The following GALNT17 variants were observed in gnomAD, a reference collection of about 807,000 sequenced individuals.
GALNT17 encodes the protein polypeptide N-acetylgalactosaminyltransferase 17, also known as UDP-GalNAc:polypeptide N-acetylgalactosaminyltransferase-like 3.
In GALNT17, 29 loss-of-function variants were observed where a neutral mutation model predicts 63.7. The ratio of observed to expected loss-of-function variants is 0.46; its 90% CI spans 0.34 to 0.62. The LOEUF (loss-of-function observed/expected upper bound fraction) is 0.62. Ranked by LOEUF, GALNT17 falls within the 20% of genes least tolerant of loss-of-function variation. The probability of loss-of-function intolerance (pLI) is 0.01; values close to 1 mark genes in which losing one functional copy is unlikely to be tolerated. For missense variants in GALNT17, 603 were observed against 799.6 expected (o/e 0.75, Z 2.97); for synonymous variants, 305 against 318.3 (o/e 0.96, Z 0.45).
intron 6 of GALNT17, among the ~76,000 whole-genome samples, chr7:71,636,734 A>G (rs1461256313): frequency 1.3e-5 from 2 of 152,094 alleles, no homozygotes; most frequent in Non-Finnish European, 2.9e-5. Context: ...GTGCCTGTAC[A>G]TTTTTCTCCA....
chr7:71,658,565 T>C (rs1050234324), intron 6 of GALNT17, among the ~76,000 whole-genome samples: 1 of 152,116 alleles, frequency 6.6e-6, no homozygotes, highest in African/African-American at 2.4e-5. Flanking sequence ...CCAAGCCATA[T>C]CCAATCTATT....
At chr7:71,644,527 C>CAAAAA (rs58497593) in intron 6 of GALNT17, among the ~76,000 whole-genome samples, 13 of 23,614 alleles carry the variant, frequency 5.5e-4, no homozygotes, top group African/African-American at 2.2e-3. Context: ...GACTCCATCT[C>CAAAAA]AAAAAAAAAA....
intron 6 of GALNT17, among the ~76,000 whole-genome samples, chr7:71,643,084 T>A (rs1790626210): frequency 6.6e-6 from 1 of 152,120 alleles, no homozygotes; most frequent in Non-Finnish European, 1.5e-5. Context: ...GCTTCAAATT[T>A]TCCAGGACAA....
intron 5 of GALNT17, among the ~76,000 whole-genome samples, chr7:71,519,660 T>C (rs1788498358): frequency 6.6e-6 from 1 of 152,042 alleles, no homozygotes; most frequent in African/African-American, 2.4e-5. Flanking sequence ...GATGAGATTT[T>C]ACCGTATTGG....
intron 7 of GALNT17, among the ~76,000 whole-genome samples, chr7:71,665,817 A>G (rs1397177302): frequency 1.3e-5 from 2 of 152,210 alleles, no homozygotes; most frequent in African/African-American, 4.8e-5. Flanking sequence ...TACAGAGATT[A>G]GAAGGGTCTT....
intron 1 of GALNT17, among the ~76,000 whole-genome samples, chr7:71,292,711 GTT>G (rs1791005799): frequency 7.4e-6 from 1 of 135,772 alleles, no homozygotes; most frequent in South Asian, 2.4e-4. Flanking sequence ...GTGTGTGTGT[GTT>G]GGGCAGATTT....
At chr7:71,673,583 T>G (rs1410600958) in intron 8 of GALNT17, among the ~76,000 whole-genome samples, 1 of 152,148 alleles carries the variant, frequency 6.6e-6, no homozygotes, top group African/African-American at 2.4e-5. Context: ...TAATGTCAGG[T>G]GATACTTTCA....
At chr7:71,580,887 G>A (rs539217636) in intron 6 of GALNT17, among the ~76,000 whole-genome samples, 2 of 152,290 alleles carry the variant, frequency 1.3e-5, no homozygotes, top group East Asian at 3.9e-4. Flanking sequence ...GGAGCACTAA[G>A]CCTGAGATAG....
chr7:71,249,897 T>A (rs945994107), intron 1 of GALNT17, among the ~76,000 whole-genome samples: 2 of 152,242 alleles, frequency 1.3e-5, no homozygotes, highest in Non-Finnish European at 2.9e-5. Flanking sequence ...TCAGTTGCTC[T>A]TGCAAACTAA....
intron 5 of GALNT17, among the ~76,000 whole-genome samples, chr7:71,481,001 A>G (rs1787808332): frequency 6.6e-6 from 1 of 152,178 alleles, no homozygotes; most frequent in African/African-American, 2.4e-5. Flanking sequence ...TAATAAGACA[A>G]ACAGACCACA....
chr7:71,492,928 T>A (rs992890896), intron 5 of GALNT17, among the ~76,000 whole-genome samples: 1 of 152,246 alleles, frequency 6.6e-6, no homozygotes, highest in African/African-American at 2.4e-5. Flanking sequence ...CTATTTAGCA[T>A]TCTTTAATTC....
chr7:71,333,053 T>G (rs1035740094), intron 1 of GALNT17, among the ~76,000 whole-genome samples: 3 of 152,178 alleles, frequency 2.0e-5, no homozygotes, highest in African/African-American at 7.2e-5. Flanking sequence ...GCTTGTAGTA[T>G]CTTCACAAAT....
At position 71,388,308 on chromosome 7, in the gene GALNT17, TCGGTGATCCTG is replaced by T; in HGVS notation, c.501_511del (p.Ile168ArgfsTer21). On this transcript the variant is annotated frameshift_variant, in exon 3 of 11. Coordinates refer to ENST00000333538, the MANE Select transcript of GALNT17 (RefSeq NM_022479.3). LOFTEE classifies it high-confidence loss of function. ...ATTCATCTTCGTGAACGAGGCCCTG[TCGGTGATCCTG>T]CGGTCCGTGCACAGTGCCGTCAATC... 6.2e-7 allele frequency: 1 copy of T among 1,614,008 alleles called. No homozygotes were observed. Among genetic ancestry groups the T allele is most frequent in the South Asian group, 1.1e-5 (1 of 91,068 alleles).
intron 6 of GALNT17, among the ~76,000 whole-genome samples, chr7:71,594,445 A>G (rs1406964842): frequency 6.6e-6 from 1 of 151,996 alleles, no homozygotes; most frequent in African/African-American, 2.4e-5. Context: ...GTGCACCACC[A>G]CACCTGGCTA....
intron 6 of GALNT17, among the ~76,000 whole-genome samples, chr7:71,613,176 C>T (rs1273993204): frequency 4.6e-5 from 7 of 152,134 alleles, no homozygotes; most frequent in South Asian, 2.1e-4. Context: ...TTTTGAGAGG[C>T]GGTTACTCCA....
intron 1 of GALNT17, among the ~76,000 whole-genome samples, chr7:71,215,755 G>A (rs1403099290): frequency 1.3e-5 from 2 of 152,116 alleles, no homozygotes; most frequent in African/African-American, 4.8e-5. Flanking sequence ...CCTTGTATTT[G>A]CTATAAACTG....
intron 9 of GALNT17, among the ~76,000 whole-genome samples, chr7:71,687,746 C>G (rs997741561): frequency 6.6e-6 from 1 of 152,090 alleles, no homozygotes; most frequent in African/African-American, 2.4e-5. Flanking sequence ...TATTAATTAA[C>G]TATATATTTC....
At chr7:71,616,464 CATT>C (rs1790204756) in intron 6 of GALNT17, among the ~76,000 whole-genome samples, 1 of 146,892 alleles carries the variant, frequency 6.8e-6, no homozygotes, top group African/African-American at 2.5e-5. Context: ...TAGTAAATAT[CATT>C]AATTATATAC....
At chr7:71,407,903 G>C (rs73362026) in intron 3 of GALNT17, among the ~76,000 whole-genome samples, 6,792 of 152,220 alleles carry the variant, frequency 0.045, 544 homozygotes, top group African/African-American at 0.16. Flanking sequence ...GGTCACCAGG[G>C]GTTGGGAAAG....
Sources: allele counts gnomAD v4.1 joint callset (sites outside exome capture counted in the v4.1 genomes callset), GRCh38; gene constraint gnomAD v4.1.1; transcripts MANE v1.5; gene names NCBI Gene and HGNC (gene_info 2026-07-23, HGNC 2026-07-21).